The following GREB1L variants were observed in gnomAD, a reference collection of about 807,000 sequenced individuals.
GREB1L encodes GREB1 like retinoic acid receptor coactivator.
GREB1L carries 17 observed loss-of-function variants against 200.8 expected under a neutral mutation model. The observed-to-expected ratio is 0.08, with a 90% CI of 0.06 to 0.13. The LOEUF is 0.13. Among genes scored for constraint, GREB1L ranks in the 10% least tolerant of loss-of-function variants. GREB1L has a pLI of 1.00. For synonymous variants in GREB1L, 789 were observed against 893.0 expected (o/e 0.88, Z 2.08); for missense variants, 1,657 against 2,367.7 (o/e 0.70, Z 6.23).
In GREB1L at chr18:21,242,242, C is replaced by T. The variant is rs1301823671; in HGVS notation, c.-271C>T. The stretch of plus-strand genomic sequence containing the variant: ...GACCGCGCGCCTGCCAGAGAGACGC[C>T]AGCCGCCGGCGGCGCTAGCACCTCG... On this transcript the variant is annotated 5_prime_UTR_variant, in exon 1 of 33. Transcript: ENST00000424526. 1.3e-5 allele frequency: 2 copies of T among 151,848 alleles called. No homozygotes were observed. The highest frequency in any genetic ancestry group is 2.9e-5 in the Non-Finnish European group (2 of 67,986). The allele number at this position is 151,848 out of a possible 1,614,324, so 9.4% of individuals were successfully genotyped here.
intron 1 of GREB1L, among the ~76,000 whole-genome samples, chr18:21,336,559 C>T (rs1404221007): frequency 6.6e-6 from 1 of 152,196 alleles, no homozygotes; most frequent in Non-Finnish European, 1.5e-5. Flanking sequence ...GCAACAGGAC[C>T]TTATGACAGT....
chr18:21,296,156 C>A (rs2144637817), intron 1 of GREB1L, among the ~76,000 whole-genome samples: 1 of 152,242 alleles, frequency 6.6e-6, no homozygotes, highest in East Asian at 1.9e-4. Flanking sequence ...TTCACAATAG[C>A]AAAGACATGG....
At chr18:21,457,573 C>T (rs1298604234) in intron 15 of GREB1L, among the ~76,000 whole-genome samples, 1 of 152,182 alleles carries the variant, frequency 6.6e-6, no homozygotes, top group Non-Finnish European at 1.5e-5. Context: ...CTCTTCCCTA[C>T]CTCTGTTTTT....
chr18:21,428,888 T>C (rs1568002302), intron 7 of GREB1L, among the ~76,000 whole-genome samples: 1 of 151,792 alleles, frequency 6.6e-6, no homozygotes, highest in Admixed American at 6.6e-5. Context: ...TAGCTAATTT[T>C]TGTATTTTTA....
At chr18:21,411,450 C>T (rs2030998889) in intron 7 of GREB1L, among the ~76,000 whole-genome samples, 1 of 151,842 alleles carries the variant, frequency 6.6e-6, no homozygotes, top group African/African-American at 2.4e-5. Flanking sequence ...TCATGATCCG[C>T]CTGCCTCGGC....
chr18:21,333,009 A>G (rs1342436771), intron 1 of GREB1L, among the ~76,000 whole-genome samples: 1 of 151,978 alleles, frequency 6.6e-6, no homozygotes, highest in Admixed American at 6.5e-5. Flanking sequence ...TAAGCCCAGG[A>G]GGTTGAGGCT....
At chr18:21,439,112 C>T (rs1418017677) in intron 7 of GREB1L, among the ~76,000 whole-genome samples, 1 of 151,940 alleles carries the variant, frequency 6.6e-6, no homozygotes, top group African/African-American at 2.4e-5. Context: ...ATAGATAAAG[C>T]AAGATGGGCT....
rs367986761 is a variant in GREB1L, at chr18:21,487,799, G to A, written c.2690+2046G>A. Reference sequence around the variant, plus strand: ...GTGGATCACCTGAGGTCAGGAGTTCGAGACCAGCCTGGCCAACGTGGTAAA... The same window carrying A: ...GTGGATCACCTGAGGTCAGGAGTTCAAGACCAGCCTGGCCAACGTGGTAAA... On this transcript the variant is annotated intron_variant, in intron 18 of 32. Coordinates refer to ENST00000424526, the MANE Select transcript of GREB1L (RefSeq NM_001142966.3). 3.8e-3 allele frequency among the ~76,000 whole-genome samples: 582 copies of A among 151,382 alleles called. 5 individuals are homozygous for A. The highest frequency in any genetic ancestry group is 6.8e-3 in the Middle Eastern group (2 of 294).
At position 21,451,162 on chromosome 18, in the gene GREB1L, G is replaced by A. The variant is rs2034502021; in HGVS notation, c.1849+11G>A. The A allele has an allele frequency of 1.3e-6, 2 of 1,550,772 alleles. No homozygotes were observed. The highest frequency in any genetic ancestry group is 2.4e-5 in the East Asian group (1 of 40,924). ...AAACCACATCATTAGGTGAGTGGTT[G>A]TAAGATTTGGCAACACTGGCAGCCC... On this transcript the variant is annotated intron_variant, in intron 13 of 32. Transcript: ENST00000424526.
chr18:21,268,560 CATATAT>C (rs370094258), intron 1 of GREB1L, among the ~76,000 whole-genome samples: 1,264 of 63,380 alleles, frequency 0.02, 10 homozygotes, highest in African/African-American at 0.037. Context: ...CACACACACA[CATATAT>C]ATATATATAT....
chr18:21,423,145 C>T (rs1343755789), intron 7 of GREB1L, among the ~76,000 whole-genome samples: 3 of 152,080 alleles, frequency 2.0e-5, no homozygotes, highest in Non-Finnish European at 4.4e-5. Flanking sequence ...TGGCCGGGCT[C>T]ATCTCGAACT....
chr18:21,258,329 C>T (rs188927532), intron 1 of GREB1L, among the ~76,000 whole-genome samples: 54 of 152,250 alleles, frequency 3.5e-4, no homozygotes, highest in African/African-American at 1.3e-3. Flanking sequence ...GTTTATTCAC[C>T]AGACTGCAAG....
chr18:21,401,467 T>C, intron 6 of GREB1L, 141 bp downstream of exon 6: 1 of 665,190 alleles, frequency 1.5e-6, no homozygotes, highest in Non-Finnish European at 2.4e-6. Context: ...TAAAGCCTTC[T>C]GGTAGGTTAT....
intron 27 of GREB1L, among the ~76,000 whole-genome samples, chr18:21,510,343 C>A (rs1483108681): frequency 2.0e-5 from 3 of 152,042 alleles, no homozygotes; most frequent in African/African-American, 7.3e-5. Context: ...AAACTCTATA[C>A]CCATTAAACA....
intron 2 of GREB1L, among the ~76,000 whole-genome samples, chr18:21,368,069 TA>T (rs2039741205): frequency 1.3e-5 from 2 of 152,318 alleles, no homozygotes; most frequent in South Asian, 4.1e-4. Context: ...TTACAATGTA[TA>T]TAGTAAGGGA....
At chr18:21,264,666 C>T (rs2037938965) in intron 1 of GREB1L, among the ~76,000 whole-genome samples, 1 of 150,164 alleles carries the variant, frequency 6.7e-6, no homozygotes, top group Admixed American at 6.7e-5. Context: ...CCTTTCTCCC[C>T]CTCCCCCCCT....
chr18:21,400,304 A>G (rs977150857), intron 5 of GREB1L, among the ~76,000 whole-genome samples: 2 of 151,692 alleles, frequency 1.3e-5, no homozygotes, highest in Non-Finnish European at 2.9e-5. Context: ...CAAAATTTTT[A>G]TTTTGTTTGA....
At chr18:21,364,045 GTTTT>G (rs1419339034) in intron 1 of GREB1L, among the ~76,000 whole-genome samples, 1 of 152,056 alleles carries the variant, frequency 6.6e-6, no homozygotes, top group East Asian at 1.9e-4. Context: ...TAAAATTTTT[GTTTT>G]TTCTTTTTTT....
At position 21,515,372 on chromosome 18, in the gene GREB1L, C is replaced by T. The variant is rs539785732; in HGVS notation, c.4902-45C>T. ...GTAGACACTTCACAAATGATCCTCT[C>T]TTCTGTAATATTTATCAACATCTTA... On this transcript the variant is annotated intron_variant, in intron 28 of 32. Coordinates refer to ENST00000424526, the MANE Select transcript of GREB1L (RefSeq NM_001142966.3). The T allele has an allele frequency of 6.8e-5, 90 of 1,326,700 alleles. No individual in the cohort carries two copies. In the South Asian group the frequency reaches 1.1e-3, roughly 16 times the overall value. The allele number at this position is 1,326,700 out of a possible 1,614,324, so 82.2% of individuals were successfully genotyped here. A position where few individuals can be genotyped will look rare whatever the true frequency, so the allele number is the denominator to read the frequency against.
Sources: gnomAD v4.1 joint callset for allele counts (sites outside exome capture counted in the v4.1 genomes callset) on GRCh38, gnomAD v4.1.1 for gene constraint, MANE v1.5 for transcripts, NCBI Gene and HGNC (gene_info 2026-07-23, HGNC 2026-07-21) for gene names.